Variants in ARHGAP32 observed in about 807,000 individuals in gnomAD.
ARHGAP32 encodes the protein Rho GTPase activating protein 32, also known as rho GTPase-activating protein 32.
ARHGAP32 carries 51 observed loss-of-function variants against 186.5 expected under a neutral mutation model. The observed-to-expected ratio is 0.27, with a 90% CI of 0.22 to 0.35. The LOEUF is 0.35. ARHGAP32 is among the 10% of genes least tolerant of loss of function. The pLI, the probability that ARHGAP32 is intolerant of heterozygous loss-of-function variation, is 1.00. For missense variants in ARHGAP32, 2,186 were observed against 2,623.5 expected (o/e 0.83, Z 3.64); for synonymous variants, 950 against 964.3 (o/e 0.99, Z 0.27).
At chr11:129,165,758 A>AT (rs558333233) in intron 1 of ARHGAP32, among the ~76,000 whole-genome samples, 8 of 145,738 alleles carry the variant, frequency 5.5e-5, no homozygotes, top group Admixed American at 2.7e-4. Flanking sequence ...AGTAATAATA[A>AT]AAAAAAAAAT....
At chr11:129,130,474 A>C (rs1276373780) in intron 2 of ARHGAP32, among the ~76,000 whole-genome samples, 1 of 152,094 alleles carries the variant, frequency 6.6e-6, no homozygotes, top group East Asian at 1.9e-4. Flanking sequence ...AAAATTACAA[A>C]CAAGGAAGTT....
intron 6 of ARHGAP32, among the ~76,000 whole-genome samples, chr11:129,086,623 C>T (rs887962675): frequency 1.1e-4 from 17 of 152,120 alleles, no homozygotes; most frequent in Admixed American, 2.0e-4. Flanking sequence ...AGATCGAGAC[C>T]ATCCCGGCTA....
At chr11:129,087,668 C>T (rs1483467765) in intron 6 of ARHGAP32, among the ~76,000 whole-genome samples, 2 of 152,148 alleles carry the variant, frequency 1.3e-5, no homozygotes, top group Admixed American at 1.3e-4. Context: ...TGATACATGT[C>T]ATTACACATT....
intron 1 of ARHGAP32, among the ~76,000 whole-genome samples, chr11:129,168,446 T>C (rs1053716171): frequency 2.0e-5 from 3 of 152,172 alleles, no homozygotes; most frequent in African/African-American, 7.2e-5. Context: ...CATAAAAGCA[T>C]CAAATTAACA....
intron 11 of ARHGAP32, chr11:129,023,824 T>G (rs1048859989): frequency 4.0e-5 from 37 of 914,980 alleles, no homozygotes; most frequent in Non-Finnish European, 4.6e-5. Flanking sequence ...GTTGCTTGAG[T>G]CAAATATTTA....
chr11:129,172,624 C>T (rs1943792283), intron 1 of ARHGAP32, among the ~76,000 whole-genome samples: 1 of 152,172 alleles, frequency 6.6e-6, no homozygotes, highest in African/African-American at 2.4e-5. Flanking sequence ...CACATTAGAA[C>T]TCAAGATTAA....
In ARHGAP32 at chr11:128,985,858, G is replaced by GTGTATA. The variant is rs760311247; in HGVS notation, c.1526+144_1526+145insTATACA. ...TGTGTGTGTGTGTGTGTGTGTGTGT[G>GTGTATA]TATATATATATATATATATATATAT... On this transcript the variant is annotated intron_variant, in intron 15 of 22. Transcript: ENST00000682385. The GTGTATA allele has an allele frequency of 4.7e-3, 447 of 95,938 alleles. 7 individuals are homozygous for GTGTATA. The highest frequency in any genetic ancestry group is 0.041 in the East Asian group (127 of 3,110). The allele number at this position is 95,938 out of a possible 1,614,324, so 5.9% of individuals were successfully genotyped here.
Position 129,057,826 on chromosome 11 carries a change from G to A in ARHGAP32, c.963+4454C>T, listed in dbSNP as rs1039672561. On this transcript the variant is annotated intron_variant, in intron 10 of 22. Transcript: ENST00000682385. ...AGAGGTAATTAGGTTAAATGAGGTG[G>A]CCCCTAACCTAATCTGACTGATGTC... Among the ~76,000 whole-genome samples, 3 of 152,074 alleles carry A rather than the reference G, an allele frequency of 2.0e-5. No individual in the cohort carries two copies. In the East Asian group the frequency reaches 5.8e-4, roughly 29 times the overall value.
At chr11:128,994,624 T>G (rs890036861) in intron 12 of ARHGAP32, among the ~76,000 whole-genome samples, 1 of 152,144 alleles carries the variant, frequency 6.6e-6, no homozygotes, top group African/African-American at 2.4e-5. Context: ...CAGCCCCCTA[T>G]GAAGTCTTAA....
At chr11:129,073,602 G>A (rs1306569849) in intron 6 of ARHGAP32, among the ~76,000 whole-genome samples, 3 of 151,852 alleles carry the variant, frequency 2.0e-5, no homozygotes, top group African/African-American at 7.2e-5. Context: ...ACTATAAAAG[G>A]TATGATACAT....
Position 129,262,487 on chromosome 11 carries a change from G to A in ARHGAP32, c.-5+16659C>T, listed in dbSNP as rs544318604. 1.4e-4 allele frequency among the ~76,000 whole-genome samples: 22 copies of A among 151,896 alleles called. No individual in the cohort carries two copies. The South Asian group carries it at 1.9e-3, about 13-fold the overall frequency. On this transcript the variant is annotated intron_variant, in intron 1 of 6. Transcript: ENST00000525234. ...CAGCCTCCACCTTCTGGGTTCAAGC[G>A]ATTCTTATGTCTCAGCCTCCCTAGT...
intron 11 of ARHGAP32, among the ~76,000 whole-genome samples, chr11:129,038,332 C>T (rs1669394730): frequency 6.6e-6 from 1 of 151,940 alleles, no homozygotes; most frequent in Non-Finnish European, 1.5e-5. Flanking sequence ...AAAAATGGGT[C>T]ATAGACTAAT....
At chr11:129,180,137 A>G (rs1052062871) in intron 1 of ARHGAP32, among the ~76,000 whole-genome samples, 1 of 152,170 alleles carries the variant, frequency 6.6e-6, no homozygotes, top group Non-Finnish European at 1.5e-5. Context: ...AAGAGAAAAA[A>G]TAAATCAACA....
Position 128,969,852 on chromosome 11 carries a change from A to G in ARHGAP32, c.5361T>C (p.Tyr1787=). ...QKVKGPVMSQ[Y]DNMTPAVQDD... ...CCTGCACCGCCGGGGTCATGTTATC[A>G]TATTGGGACATGACAGGCCCTTTCA... The change falls in exon 23 of 23, where the codon TAT becomes TAC. Residue 1787 remains tyrosine (Y), a synonymous_variant. Coordinates refer to ENST00000682385, the MANE Select transcript of ARHGAP32 (RefSeq NM_001378024.1). The surrounding 1 kb of genome is among the most constrained non-coding windows in gnomAD (Gnocchi z 4.8). The G allele has an allele frequency of 1.2e-6, 2 of 1,614,178 alleles. No homozygotes were observed. Among genetic ancestry groups the G allele is most frequent in the South Asian group, 1.1e-5 (1 of 91,082 alleles).
upstream of ARHGAP32, among the ~76,000 whole-genome samples, chr11:129,194,126 A>G (rs1944359242): frequency 6.6e-6 from 1 of 152,258 alleles, no homozygotes; most frequent in African/African-American, 2.4e-5. Context: ...AGGACATGGG[A>G]AAAGAAACAT....
chr11:129,004,471 G>C (rs1269541541), intron 11 of ARHGAP32, among the ~76,000 whole-genome samples: 1 of 151,994 alleles, frequency 6.6e-6, no homozygotes, highest in Non-Finnish European at 1.5e-5. Context: ...GGATGCTGAA[G>C]TCTCCAGCTA....
chr11:129,165,257 G>A (rs1943611151), intron 1 of ARHGAP32, among the ~76,000 whole-genome samples: 1 of 151,906 alleles, frequency 6.6e-6, no homozygotes, highest in African/African-American at 2.4e-5. Context: ...AGGATGCCAA[G>A]AAACCCAAAA....
At chr11:129,233,750 A>G (rs1944889274) in intron 1 of ARHGAP32, among the ~76,000 whole-genome samples, 1 of 152,086 alleles carries the variant, frequency 6.6e-6, no homozygotes, top group South Asian at 2.1e-4. Flanking sequence ...CACGGAATAA[A>G]TGAGAAAAAA....
At chr11:129,194,958 GGTTGTT>G (rs763110237), upstream of ARHGAP32, among the ~76,000 whole-genome samples, 1 of 139,158 alleles carries the variant, frequency 7.2e-6, no homozygotes, top group Non-Finnish European at 1.6e-5. Flanking sequence ...TGGGGGGGGG[GGTTGTT>G]TTGTTTTGTT....
Sources: gnomAD v4.1 joint callset for allele counts (sites outside exome capture counted in the v4.1 genomes callset) on GRCh38, gnomAD v4.1.1 for gene constraint, Gnocchi (gnomAD v3.1) non-coding constraint, MANE v1.5 for transcripts, NCBI Gene and HGNC (gene_info 2026-07-23, HGNC 2026-07-21) for gene names.